CRPPA: variants seen among roughly 807,000 people sequenced by gnomAD.
The protein encoded by CRPPA is D-ribitol-5-phosphate cytidylyltransferase.
In CRPPA, 43 loss-of-function variants were observed where a neutral mutation model predicts 52.0. The observed-to-expected ratio is 0.83, with a 90% CI of 0.65 to 1.07. CRPPA has a LOEUF of 1.07. Ranked by LOEUF, CRPPA falls within the 50% of genes least tolerant of loss-of-function variation. The probability of loss-of-function intolerance (pLI) is 0.00; values close to 1 mark genes in which losing one functional copy is unlikely to be tolerated. For missense variants in CRPPA, 629 were observed against 551.7 expected (o/e 1.14, Z -1.40); for synonymous variants, 250 against 203.5 (o/e 1.23, Z -1.94).
chr7:16,287,827 C>T (rs1032920561), intron 5 of CRPPA, among the ~76,000 whole-genome samples: 3 of 148,026 alleles, frequency 2.0e-5, no homozygotes, highest in Non-Finnish European at 3.0e-5. Flanking sequence ...AAGACTGAGG[C>T]ATGAGAATCA....
chr7:16,295,459 C>A lies in CRPPA; in HGVS notation c.835+5962G>T, dbSNP rs145321236. ...ACACAACCATATATGAAAACAGGCA[C>A]CATGAGGCAGTTTTGTAGCACAAGT... On this transcript the variant is annotated intron_variant, in intron 5 of 9. Coordinates refer to ENST00000407010, the MANE Select transcript of CRPPA (RefSeq NM_001101426.4). Among the ~76,000 whole-genome samples the A allele has an allele frequency of 1.8e-4, 28 of 151,966 alleles. No homozygotes were observed. The East Asian group carries it at 5.4e-3, about 29-fold the overall frequency.
At chr7:16,100,272 C>T (rs1782018462) in intron 9 of CRPPA, among the ~76,000 whole-genome samples, 1 of 152,112 alleles carries the variant, frequency 6.6e-6, no homozygotes, top group Non-Finnish European at 1.5e-5. Context: ...CTTAAGATGT[C>T]ATCTATTTTT....
In CRPPA at chr7:16,407,263, C is replaced by CAGG. The variant is rs1157960375; in HGVS notation, c.258-927_258-926insCCT. 4.6e-5 allele frequency among the ~76,000 whole-genome samples: 7 copies of CAGG among 152,310 alleles called. No homozygotes were observed. In the East Asian group the frequency reaches 1.4e-3, roughly 29 times the overall value. On this transcript the variant is annotated intron_variant, in intron 1 of 9. Transcript: ENST00000407010. ...AAAGTGTTGGGATTATAGGCATGAGCCACCAAGCCCAGCCTGTAAAACATT... is the reference window on the plus strand; with the variant it reads ...AAAGTGTTGGGATTATAGGCATGAGCAGGCACCAAGCCCAGCCTGTAAAACATT...
intron 9 of CRPPA, among the ~76,000 whole-genome samples, chr7:16,147,339 C>T (rs1354759419): frequency 6.6e-6 from 1 of 152,182 alleles, no homozygotes; most frequent in African/African-American, 2.4e-5. Context: ...AGGCCACATG[C>T]TTTACCTCTA....
intron 2 of CRPPA, among the ~76,000 whole-genome samples, chr7:16,385,795 C>A (rs183576170): frequency 1.9e-4 from 29 of 152,334 alleles, no homozygotes; most frequent in African/African-American, 6.7e-4. Context: ...CTCACAGGAC[C>A]TGCAACAGGA....
intron 9 of CRPPA, among the ~76,000 whole-genome samples, chr7:16,209,816 T>G (rs562790894): frequency 6.6e-6 from 1 of 152,308 alleles, no homozygotes; most frequent in Non-Finnish European, 1.5e-5. Flanking sequence ...TAAAAGCATA[T>G]GGCCATTTTA....
chr7:16,292,504 C>A (rs1185229276), intron 5 of CRPPA, among the ~76,000 whole-genome samples: 2 of 151,902 alleles, frequency 1.3e-5, no homozygotes, highest in Non-Finnish European at 2.9e-5. Flanking sequence ...AAGCCATCTC[C>A]CCTGAAGGGT....
intron 9 of CRPPA, among the ~76,000 whole-genome samples, chr7:16,146,026 A>G (rs1782967669): frequency 6.6e-6 from 1 of 152,154 alleles, no homozygotes; most frequent in Non-Finnish European, 1.5e-5. Flanking sequence ...ATTACCATCA[A>G]ATTGTGAGAA....
At chr7:16,378,568 C>A (rs1786974174) in intron 2 of CRPPA, among the ~76,000 whole-genome samples, 1 of 152,036 alleles carries the variant, frequency 6.6e-6, no homozygotes, top group Admixed American at 6.6e-5. Flanking sequence ...CCACAATAAA[C>A]ATATGTGTGC....
rs11415283 is a variant in CRPPA at position 16,198,724 on chromosome 7, AT to A, written c.1251+17341del. 3.6e-3 allele frequency among the ~76,000 whole-genome samples: 508 copies of A among 141,344 alleles called. 14 individuals carry two copies. Among genetic ancestry groups the A allele is most frequent in the African/African-American group, 0.012 (443 of 37,190 alleles). The allele number at this position is 141,344 out of a possible 152,430, so 92.7% of individuals were successfully genotyped here. A position where few individuals can be genotyped will look rare whatever the true frequency, so the allele number is the denominator to read the frequency against. The stretch of plus-strand genomic sequence containing the variant: ...GTATGCACTCCCATACTTGCGCAGC[AT>A]TTTTTTTTTTTAAGAAACGGTTTCA... On this transcript the variant is annotated intron_variant, in intron 9 of 9. Coordinates refer to ENST00000407010, the MANE Select transcript of CRPPA (RefSeq NM_001101426.4).
intron 5 of CRPPA, among the ~76,000 whole-genome samples, chr7:16,300,589 T>C (rs1395429881): frequency 6.6e-6 from 1 of 152,100 alleles, no homozygotes; most frequent in East Asian, 1.9e-4. Flanking sequence ...TCTTTGACTG[T>C]CAAAACCAGG....
rs116549223 is a variant in CRPPA, at chr7:16,240,096, A to T, written c.1119+18294T>A. On this transcript the variant is annotated intron_variant, in intron 8 of 9. Coordinates refer to ENST00000407010, the MANE Select transcript of CRPPA (RefSeq NM_001101426.4). Reference sequence around the variant, plus strand: ...CAAACTTTCCATTAACCATTTAGTCATAAGCAAAGATCTCCTAAAAGTTAC... The same window carrying T: ...CAAACTTTCCATTAACCATTTAGTCTTAAGCAAAGATCTCCTAAAAGTTAC... 6.3e-3 allele frequency among the ~76,000 whole-genome samples: 960 copies of T among 151,896 alleles called. 17 individuals are homozygous for T. The highest frequency in any genetic ancestry group is 0.023 in the African/African-American group (942 of 41,410).
chr7:16,294,449 A>T (rs952739800), intron 5 of CRPPA, among the ~76,000 whole-genome samples: 2 of 135,090 alleles, frequency 1.5e-5, no homozygotes, highest in Admixed American at 8.0e-5. Flanking sequence ...TCCTGACCCA[A>T]ATATTGAACT....
At chr7:16,252,327 A>G (rs1783480978) in intron 8 of CRPPA, among the ~76,000 whole-genome samples, 1 of 152,210 alleles carries the variant, frequency 6.6e-6, no homozygotes, top group African/African-American at 2.4e-5. Flanking sequence ...ACAGATGCAG[A>G]AAAGGCCTTT....
chr7:16,118,157 T>A (rs530007438), intron 9 of CRPPA, among the ~76,000 whole-genome samples: 1 of 152,202 alleles, frequency 6.6e-6, no homozygotes, highest in African/African-American at 2.4e-5. Context: ...CTGTTCTATA[T>A]CAACTCTTCA....
intron 8 of CRPPA, among the ~76,000 whole-genome samples, chr7:16,218,358 C>T (rs376792051): frequency 3.8e-5 from 5 of 130,824 alleles, no homozygotes; most frequent in Admixed American, 8.4e-5. Context: ...TAAAGACCAT[C>T]GAGACTAGGA....
At chr7:16,388,950 T>C (rs568687447) in intron 2 of CRPPA, among the ~76,000 whole-genome samples, 1 of 152,242 alleles carries the variant, frequency 6.6e-6, no homozygotes, top group East Asian at 1.9e-4. Context: ...TAGTGACATT[T>C]CTATCAACCT....
At chr7:16,368,320 A>T (rs1330229974) in intron 3 of CRPPA, among the ~76,000 whole-genome samples, 2 of 152,144 alleles carry the variant, frequency 1.3e-5, no homozygotes, top group African/African-American at 4.8e-5. Flanking sequence ...ATTTTCCTTT[A>T]GCAAACTCCT....
chr7:16,378,810 G>C (rs1224682784), intron 2 of CRPPA, among the ~76,000 whole-genome samples: 10 of 152,120 alleles, frequency 6.6e-5, no homozygotes, highest in Non-Finnish European at 1.5e-4. Flanking sequence ...ATTCTAACTT[G>C]TGTGAGATGG....
Sources: allele counts gnomAD v4.1 joint callset (sites outside exome capture counted in the v4.1 genomes callset), GRCh38; gene constraint gnomAD v4.1.1; transcripts MANE v1.5; gene names NCBI Gene and HGNC (gene_info 2026-07-23, HGNC 2026-07-21).